CDH4: variants seen among roughly 807,000 people sequenced by gnomAD.
CDH4 encodes the protein cadherin-4.
In CDH4, 33 loss-of-function variants were observed where a neutral mutation model predicts 86.0. That is an observed-to-expected ratio of 0.38 (90% CI 0.29 to 0.51). The LOEUF is 0.51. Among genes scored for constraint, CDH4 ranks in the 20% least tolerant of loss-of-function variants. The pLI, the probability that CDH4 is intolerant of heterozygous loss-of-function variation, is 0.86. For missense variants in CDH4, 1,114 were observed against 1,307.4 expected (o/e 0.85, Z 2.28); for synonymous variants, 555 against 549.4 (o/e 1.01, Z -0.14).
intron 2 of CDH4, among the ~76,000 whole-genome samples, chr20:61,541,427 A>G (rs1331681262): frequency 6.6e-6 from 1 of 152,220 alleles, no homozygotes; most frequent in Non-Finnish European, 1.5e-5. Flanking sequence ...GTTTTTATTA[A>G]TAGCAAGCAC....
chr20:61,389,981 T>C (rs1384923521), intron 2 of CDH4, among the ~76,000 whole-genome samples: 6 of 105,502 alleles, frequency 5.7e-5, no homozygotes, highest in African/African-American at 1.1e-4. Context: ...TGGGAAACCC[T>C]AAATGAGATC....
intron 2 of CDH4, among the ~76,000 whole-genome samples, chr20:61,597,574 T>A (rs898597473): frequency 6.6e-6 from 1 of 152,142 alleles, no homozygotes; most frequent in African/African-American, 2.4e-5. Context: ...ACTTCATGCA[T>A]CTGCACAGGA....
intron 2 of CDH4, among the ~76,000 whole-genome samples, chr20:61,261,171 T>G (rs542336934): frequency 3.9e-5 from 6 of 152,300 alleles, no homozygotes; most frequent in African/African-American, 1.4e-4. Flanking sequence ...TGCCCCAGAT[T>G]CCTAAGTCAG....
chr20:61,405,960 G>A lies in CDH4; in HGVS notation c.169+151023G>A, dbSNP rs546704766. On this transcript the variant is annotated intron_variant, in intron 2 of 15. Transcript: ENST00000614565. The stretch of plus-strand genomic sequence containing the variant: ...CTCTCAAAGTGCTGGGATTACAGGC[G>A]TGAGCCACCGCGCCCGGCCTATAAT... Among the ~76,000 whole-genome samples the A allele has an allele frequency of 3.3e-5, 5 of 152,288 alleles. No individual in the cohort carries two copies. In the South Asian group the frequency reaches 1.0e-3, roughly 32 times the overall value.
chr20:61,590,839 G>A (rs1017449496), intron 2 of CDH4, among the ~76,000 whole-genome samples: 3 of 149,822 alleles, frequency 2.0e-5, no homozygotes, highest in Admixed American at 2.0e-4. Context: ...ACAACCTACA[G>A]TGAGTGCCTG....
At chr20:61,409,541 C>T (rs912123770) in intron 2 of CDH4, among the ~76,000 whole-genome samples, 1 of 152,198 alleles carries the variant, frequency 6.6e-6, no homozygotes, top group African/African-American at 2.4e-5. Flanking sequence ...AGTCGGGACT[C>T]ACCGTCGCCA....
At chr20:61,844,406 G>T (rs1740580319) in intron 4 of CDH4, among the ~76,000 whole-genome samples, 1 of 151,974 alleles carries the variant, frequency 6.6e-6, no homozygotes, top group Non-Finnish European at 1.5e-5. Context: ...TGCTGTGGAT[G>T]TCTGCCAGGC....
chr20:61,792,965 T>TTTTG (rs1258600167), intron 4 of CDH4, among the ~76,000 whole-genome samples: 1 of 147,742 alleles, frequency 6.8e-6, no homozygotes, highest in East Asian at 2.1e-4. Flanking sequence ...TTTTTTTTGT[T>TTTTG]TTTGTTTTTG....
At chr20:61,837,774 G>A (rs562270739) in intron 4 of CDH4, among the ~76,000 whole-genome samples, 1 of 152,020 alleles carries the variant, frequency 6.6e-6, no homozygotes, top group Admixed American at 6.5e-5. Flanking sequence ...CCCCCCGTGG[G>A]TCTGTCCCTC....
At chr20:61,274,439 A>G (rs1204488429) in intron 2 of CDH4, among the ~76,000 whole-genome samples, 1 of 100,990 alleles carries the variant, frequency 9.9e-6, no homozygotes, top group Non-Finnish European at 1.8e-5. Context: ...AGTTTGGGGG[A>G]GTACTTTGTG....
chr20:61,371,342 G>A (rs1171302124), intron 2 of CDH4, among the ~76,000 whole-genome samples: 1 of 152,202 alleles, frequency 6.6e-6, no homozygotes, highest in African/African-American at 2.4e-5. Context: ...GGCCGGGGTT[G>A]GATGAAGGGG....
intron 2 of CDH4, among the ~76,000 whole-genome samples, chr20:61,371,143 C>T (rs1489195820): frequency 2.0e-5 from 3 of 152,188 alleles, no homozygotes; most frequent in African/African-American, 2.4e-5. Context: ...TGATTGCAGC[C>T]GGGAGCTCGG....
chr20:61,562,614 G>A (rs2086228866), intron 2 of CDH4, among the ~76,000 whole-genome samples: 1 of 152,228 alleles, frequency 6.6e-6, no homozygotes, highest in Non-Finnish European at 1.5e-5. Context: ...CGGCTGCCAG[G>A]CCTGCAGAGC....
chr20:61,618,730 C>T (rs1012114173), intron 2 of CDH4, among the ~76,000 whole-genome samples: 4 of 152,206 alleles, frequency 2.6e-5, no homozygotes, highest in Non-Finnish European at 4.4e-5. Flanking sequence ...CCTATTGTTT[C>T]GGTTAACTGA....
intron 2 of CDH4, among the ~76,000 whole-genome samples, chr20:61,285,072 G>GTTTTTTT (rs776837492): frequency 6.6e-6 from 1 of 150,654 alleles, no homozygotes; most frequent in African/African-American, 2.5e-5. Flanking sequence ...AGCCTTTCCT[G>GTTTTTTT]TTTTTTTTTT....
intron 2 of CDH4, among the ~76,000 whole-genome samples, chr20:61,574,506 T>TCCTGCCTTCTCCCC (rs2086368024): frequency 6.6e-6 from 1 of 152,160 alleles, no homozygotes; most frequent in South Asian, 2.1e-4. Flanking sequence ...CCTTTCTCCT[T>TCCTGCCTTCTCCCC]CCTGCCTTCT....
chr20:61,663,044 C>G lies in CDH4; in HGVS notation c.170-80519C>G, dbSNP rs974123751. On this transcript the variant is annotated intron_variant, in intron 2 of 15. Transcript: ENST00000614565. The surrounding 1 kb of genome is among the most constrained non-coding windows in gnomAD (Gnocchi z 5.0). Reference sequence around the variant, plus strand: ...CGGGGTAGAACCCATGGCCCTGACTCACCTCCCCCTCCACCATGGTATTGA... The same window carrying G: ...CGGGGTAGAACCCATGGCCCTGACTGACCTCCCCCTCCACCATGGTATTGA... Among the ~76,000 whole-genome samples the G allele has an allele frequency of 1.3e-5, 2 of 152,196 alleles. No individual in the cohort carries two copies. The highest frequency in any genetic ancestry group is 4.8e-5 in the African/African-American group (2 of 41,464).
chr20:61,629,304 C>G (rs2086861920), intron 2 of CDH4, among the ~76,000 whole-genome samples: 1 of 152,156 alleles, frequency 6.6e-6, no homozygotes, highest in African/African-American at 2.4e-5. Flanking sequence ...TGGCCAAAAG[C>G]TTTGACTCCA....
In CDH4 at chr20:61,811,682, C is replaced by CTT. The variant is rs372708280; in HGVS notation, c.577-32969_577-32968dup. ...GTCACGCCCCTGGCTGCCTACTGAG[C>CTT]TTTTTTTTTTTTTTTTTTGAGTTGG... On this transcript the variant is annotated intron_variant, in intron 4 of 15. Coordinates refer to ENST00000614565, the MANE Select transcript of CDH4 (RefSeq NM_001794.5). The surrounding 1 kb of genome is among the most constrained non-coding windows in gnomAD (Gnocchi z 4.4). Among the ~76,000 whole-genome samples the CTT allele has an allele frequency of 6.6e-4, 84 of 127,444 alleles. No homozygotes were observed. The highest frequency in any genetic ancestry group is 1.4e-3 in the African/African-American group (49 of 34,500). The allele number at this position is 127,444 out of a possible 152,430, so 83.6% of individuals were successfully genotyped here.
Sources: allele counts gnomAD v4.1 joint callset (sites outside exome capture counted in the v4.1 genomes callset), GRCh38; gene constraint gnomAD v4.1.1; non-coding constraint Gnocchi (gnomAD v3.1); transcripts MANE v1.5; gene names NCBI Gene and HGNC (gene_info 2026-07-23, HGNC 2026-07-21).